The following CTNNA2 variants were observed in gnomAD, a reference collection of about 807,000 sequenced individuals.
CTNNA2 encodes the protein catenin alpha-2.
In CTNNA2, 42 loss-of-function variants were observed where a neutral mutation model predicts 101.0. The ratio of observed to expected loss-of-function variants is 0.42; its 90% CI spans 0.32 to 0.54. The LOEUF (loss-of-function observed/expected upper bound fraction) is 0.54. Among genes scored for constraint, CTNNA2 ranks in the 20% least tolerant of loss-of-function variants. The pLI, the probability that CTNNA2 is intolerant of heterozygous loss-of-function variation, is 0.14. For synonymous variants in CTNNA2, 450 were observed against 456.4 expected (o/e 0.99, Z 0.18); for missense variants, 871 against 1,223.1 (o/e 0.71, Z 4.29).
intron 3 of CTNNA2, among the ~76,000 whole-genome samples, chr2:79,313,774 G>C (rs966330625): frequency 6.6e-6 from 1 of 152,148 alleles, no homozygotes; most frequent in African/African-American, 2.4e-5. Flanking sequence ...CCTGCCCATA[G>C]AGCCCAGCAT....
intron 7 of CTNNA2, among the ~76,000 whole-genome samples, chr2:79,926,736 G>T (rs1409608980): frequency 6.6e-6 from 1 of 151,412 alleles, no homozygotes; most frequent in Non-Finnish European, 1.5e-5. Context: ...ATCTAAAACA[G>T]GAAAAAAAAT....
intron 2 of CTNNA2, among the ~76,000 whole-genome samples, chr2:79,714,825 T>C (rs185151347): frequency 6.6e-6 from 1 of 152,092 alleles, no homozygotes; most frequent in African/African-American, 2.4e-5. Context: ...TTTGTATAAA[T>C]TATAAAGGAT....
chr2:79,716,169 G>A (rs1323901057), intron 2 of CTNNA2, among the ~76,000 whole-genome samples: 1 of 152,072 alleles, frequency 6.6e-6, no homozygotes, highest in Non-Finnish European at 1.5e-5. Flanking sequence ...AGGGCAGGAT[G>A]GGAACACTCA....
At chr2:80,090,170 G>A (rs867210856) in intron 7 of CTNNA2, among the ~76,000 whole-genome samples, 1 of 150,512 alleles carries the variant, frequency 6.6e-6, no homozygotes, top group Non-Finnish European at 1.5e-5. Flanking sequence ...GTGTGTGTGT[G>A]TGTGTGTGTG....
At chr2:79,423,413 A>AT (rs1205378150) in intron 4 of CTNNA2, among the ~76,000 whole-genome samples, 2 of 152,160 alleles carry the variant, frequency 1.3e-5, no homozygotes, top group Non-Finnish European at 2.9e-5. Context: ...TAAATTCCTG[A>AT]TTTAAAAAAG....
chr2:79,857,241 A>G (rs1344925110), intron 3 of CTNNA2, among the ~76,000 whole-genome samples: 1 of 152,156 alleles, frequency 6.6e-6, no homozygotes, highest in African/African-American at 2.4e-5. Flanking sequence ...CTCACAATAA[A>G]TGAGCAAATA....
intron 2 of CTNNA2, among the ~76,000 whole-genome samples, chr2:79,678,978 C>T (rs1263423334): frequency 6.6e-6 from 1 of 152,166 alleles, no homozygotes; most frequent in Non-Finnish European, 1.5e-5. Flanking sequence ...GGCTCTCCCT[C>T]CACTGTTCAG....
chr2:79,766,460 T>G (rs1483070639), intron 3 of CTNNA2, among the ~76,000 whole-genome samples: 1 of 152,230 alleles, frequency 6.6e-6, no homozygotes, highest in African/African-American at 2.4e-5. Context: ...GTATCCTTTC[T>G]TTATCCTTGG....
At position 80,648,042 on chromosome 2, in the gene CTNNA2, A is replaced by C; in HGVS notation, c.*170A>C. ...GAGATGAGATCAATACTACTGATCC[A>C]TCTGTAGCCTGGGAAGGAGACAGGA... On this transcript the variant is annotated 3_prime_UTR_variant, in exon 19 of 19. Transcript: ENST00000402739. The C allele has an allele frequency of 1.7e-6, 1 of 581,234 alleles. No individual in the cohort carries two copies. The highest frequency in any genetic ancestry group is 2.9e-6 in the Non-Finnish European group (1 of 342,982). The allele number at this position is 581,234 out of a possible 1,614,324, so 36.0% of individuals were successfully genotyped here. A position where few individuals can be genotyped will look rare whatever the true frequency, so the allele number is the denominator to read the frequency against.
chr2:79,725,399 A>G (rs1573798315), intron 2 of CTNNA2, among the ~76,000 whole-genome samples: 1 of 152,320 alleles, frequency 6.6e-6, no homozygotes, highest in East Asian at 1.9e-4. Context: ...CAGTTGTGCA[A>G]ATTGAGAGAA....
At chr2:79,930,344 GAAAGAAAGAA>G (rs1687353831) in intron 7 of CTNNA2, among the ~76,000 whole-genome samples, 1 of 115,352 alleles carries the variant, frequency 8.7e-6, no homozygotes, top group Non-Finnish European at 2.0e-5. Context: ...AAGAAAGAAA[GAAAGAAAGAA>G]AGAATGAACA....
intron 18 of CTNNA2, among the ~76,000 whole-genome samples, chr2:80,631,975 AT>A (rs1023604220): frequency 6.6e-6 from 1 of 152,124 alleles, no homozygotes; most frequent in African/African-American, 2.4e-5. Flanking sequence ...TGGAAAAAAA[AT>A]AAAGTATATT....
chr2:79,257,160 A>T (rs545823817), intron 2 of CTNNA2, among the ~76,000 whole-genome samples: 2 of 152,216 alleles, frequency 1.3e-5, no homozygotes, highest in African/African-American at 4.8e-5. Context: ...GAAAATGTCC[A>T]TAGTAAAAGT....
At chr2:79,508,898 G>A (rs1671469152), upstream of CTNNA2, among the ~76,000 whole-genome samples, 1 of 142,108 alleles carries the variant, frequency 7.0e-6, no homozygotes, top group African/African-American at 2.6e-5. Flanking sequence ...TACACACATG[G>A]ATCCCAAAAC....
chr2:80,020,718 C>T (rs6752346), intron 7 of CTNNA2, among the ~76,000 whole-genome samples: 8,438 of 152,096 alleles, frequency 0.055, 676 homozygotes, highest in African/African-American at 0.17. Flanking sequence ...CTTTTGGTTT[C>T]TTTGTATCAG....
chr2:79,769,946 A>C (rs1426081852), intron 3 of CTNNA2, among the ~76,000 whole-genome samples: 1 of 152,228 alleles, frequency 6.6e-6, no homozygotes, highest in South Asian at 2.1e-4. Flanking sequence ...TTAAAATGTG[A>C]CTAGTGTGAC....
intron 1 of CTNNA2, among the ~76,000 whole-genome samples, chr2:79,576,830 G>T (rs1675829950): frequency 1.3e-5 from 2 of 152,174 alleles, no homozygotes; most frequent in South Asian, 4.1e-4. Context: ...AGAAGGTCAG[G>T]GATTGTTCTC....
At chr2:79,507,808 A>G (rs115007548) in intron 5 of CTNNA2, among the ~76,000 whole-genome samples, 12 of 152,318 alleles carry the variant, frequency 7.9e-5, no homozygotes, top group South Asian at 2.1e-4. Context: ...CCTTGTTCAT[A>G]TAAGTGTGGG....
At chr2:80,077,552 C>A (rs1161491541) in intron 7 of CTNNA2, among the ~76,000 whole-genome samples, 2 of 150,696 alleles carry the variant, frequency 1.3e-5, no homozygotes, top group African/African-American at 4.9e-5. Context: ...AGTTTGAGAC[C>A]AGCATGGGCA....
Sources: allele counts gnomAD v4.1 joint callset (sites outside exome capture counted in the v4.1 genomes callset), GRCh38; gene constraint gnomAD v4.1.1; transcripts MANE v1.5; gene names NCBI Gene and HGNC (gene_info 2026-07-23, HGNC 2026-07-21).